The following RNF13 variants were observed in gnomAD, a reference collection of about 807,000 sequenced individuals.
RNF13 encodes the protein E3 ubiquitin-protein ligase RNF13.
Under a neutral mutation model 37.7 loss-of-function variants are expected in RNF13, and 19 were observed. The observed-to-expected ratio is 0.50, with a 90% CI of 0.35 to 0.74. The LOEUF (loss-of-function observed/expected upper bound fraction) is 0.74, where lower values mean the gene tolerates loss of function less well. RNF13 is among the 30% of genes least tolerant of loss of function. RNF13 has a pLI of 0.01. For synonymous variants in RNF13, 144 were observed against 157.8 expected, an observed-to-expected ratio of 0.91 and a Z score of 0.65; for missense variants, 375 against 453.0, an observed-to-expected ratio of 0.83 and a Z score of 1.56.
intron 1 of RNF13, among the ~76,000 whole-genome samples, chr3:149,827,122 G>A (rs1720583217): frequency 1.3e-5 from 2 of 151,928 alleles, no homozygotes; most frequent in Admixed American, 6.6e-5. Flanking sequence ...CTGTATCTGT[G>A]GATTCAACCA....
At chr3:149,870,219 GGTTCCACTTTGGTCTT>G (rs1711861688) in intron 3 of RNF13, among the ~76,000 whole-genome samples, 1 of 151,632 alleles carries the variant, frequency 6.6e-6, no homozygotes, top group Admixed American at 6.6e-5. Context: ...TGGGCAATCT[GGTTCCACTTTGGTCTT>G]ACTTTTCCAG....
chr3:149,882,964 T>C (rs2108465452), intron 4 of RNF13, among the ~76,000 whole-genome samples: 1 of 152,224 alleles, frequency 6.6e-6, no homozygotes, highest in Non-Finnish European at 1.5e-5. Context: ...CTACCAAGTG[T>C]TTTTTCTTAA....
chr3:149,945,401 G>C (rs993088038), intron 8 of RNF13, among the ~76,000 whole-genome samples: 2 of 152,216 alleles, frequency 1.3e-5, no homozygotes, highest in Admixed American at 1.3e-4. Flanking sequence ...GGCTTGTGTA[G>C]GTAAACAAAG....
intron 3 of RNF13, among the ~76,000 whole-genome samples, chr3:149,870,964 A>G (rs1362336003): frequency 6.6e-6 from 1 of 150,828 alleles, no homozygotes; most frequent in Admixed American, 6.6e-5. Context: ...GAATTTGATC[A>G]TCTTTTTATG....
chr3:149,872,714 T>A (rs1345247182), intron 4 of RNF13, among the ~76,000 whole-genome samples: 1 of 152,226 alleles, frequency 6.6e-6, no homozygotes, highest in Non-Finnish European at 1.5e-5. Context: ...GTTACTGGAC[T>A]ACCTCAGAGC....
intron 8 of RNF13, 71 bp from the exon 9 acceptor site, chr3:149,959,985 C>A: frequency 1.1e-6 from 1 of 933,204 alleles, no homozygotes; most frequent in Non-Finnish European, 1.7e-6. Context: ...CATCAAAAGG[C>A]AGTAACTGAG....
At chr3:149,946,473 A>C (rs913551118) in intron 8 of RNF13, among the ~76,000 whole-genome samples, 3 of 152,170 alleles carry the variant, frequency 2.0e-5, no homozygotes, top group Non-Finnish European at 2.9e-5. Context: ...GGAGGCTTTT[A>C]ATTACTATTT....
chr3:149,891,670 A>G (rs1714710751), intron 4 of RNF13, among the ~76,000 whole-genome samples: 1 of 152,258 alleles, frequency 6.6e-6, no homozygotes, highest in South Asian at 2.1e-4. Context: ...CAGATTGCCA[A>G]TACAATTTAG....
intron 8 of RNF13, among the ~76,000 whole-genome samples, chr3:149,930,090 T>TA (rs1468210500): frequency 1.3e-5 from 2 of 152,176 alleles, no homozygotes; most frequent in African/African-American, 4.8e-5. Context: ...CATGCCTGTC[T>TA]AATTTTTTTT....
At chr3:149,944,517 G>T (rs1217616104) in intron 8 of RNF13, among the ~76,000 whole-genome samples, 1 of 152,162 alleles carries the variant, frequency 6.6e-6, no homozygotes, top group Non-Finnish European at 1.5e-5. Context: ...ATTCTAACTG[G>T]TGTGAGATGG....
chr3:149,906,407 T>C (rs1003456962), intron 6 of RNF13, among the ~76,000 whole-genome samples: 17 of 152,196 alleles, frequency 1.1e-4, no homozygotes, highest in African/African-American at 1.4e-4. Context: ...TTTGAGGAAC[T>C]GCCAGACTTT....
At chr3:149,939,313 C>A in intron 8 of RNF13, 2 of 464,232 alleles carry the variant, frequency 4.3e-6, no homozygotes, top group East Asian at 5.3e-5. Context: ...TCATCATCAT[C>A]TTCTGCATCA....
intron 8 of RNF13, among the ~76,000 whole-genome samples, chr3:149,947,549 C>T (rs1011876861): frequency 2.2e-4 from 34 of 152,058 alleles, no homozygotes; most frequent in South Asian, 6.2e-4. Flanking sequence ...GGATTATAGG[C>T]GCCTGCCACT....
chr3:149,846,449 T>C (rs763880782), intron 2 of RNF13, among the ~76,000 whole-genome samples: 3 of 152,102 alleles, frequency 2.0e-5, no homozygotes, highest in Non-Finnish European at 4.4e-5. Context: ...ATTACAGGCG[T>C]GTGCCACCAT....
At chr3:149,867,756 AATTGGAG>A (rs2108432665) in intron 3 of RNF13, among the ~76,000 whole-genome samples, 1 of 151,852 alleles carries the variant, frequency 6.6e-6, no homozygotes, top group African/African-American at 2.4e-5. Flanking sequence ...TGTGCCTTTT[AATTGGAG>A]AATGGATTCC....
chr3:149,953,858 A>G (rs1721594318), intron 8 of RNF13, among the ~76,000 whole-genome samples: 1 of 152,248 alleles, frequency 6.6e-6, no homozygotes, highest in Non-Finnish European at 1.5e-5. Context: ...AAAAATGCTT[A>G]CGATAGTGCT....
chr3:149,917,981 G>T (rs189392365), intron 7 of RNF13, among the ~76,000 whole-genome samples: 4 of 151,926 alleles, frequency 2.6e-5, no homozygotes, highest in Non-Finnish European at 5.9e-5. Flanking sequence ...AATTTTCTGC[G>T]TTCTTTTTCT....
At chr3:149,953,826 G>A (rs1353286216) in intron 8 of RNF13, among the ~76,000 whole-genome samples, 1 of 152,200 alleles carries the variant, frequency 6.6e-6, no homozygotes, top group Non-Finnish European at 1.5e-5. Context: ...TGTGTGGTGG[G>A]AGGGATTTAA....
intron 8 of RNF13, among the ~76,000 whole-genome samples, chr3:149,951,119 G>T (rs947328870): frequency 6.6e-6 from 1 of 152,118 alleles, no homozygotes; most frequent in Non-Finnish European, 1.5e-5. Context: ...GGGTCCCCTG[G>T]AAGTGTTTTA....
Sources: allele counts gnomAD v4.1 joint callset (sites outside exome capture counted in the v4.1 genomes callset), GRCh38; gene constraint gnomAD v4.1.1; transcripts MANE v1.5; gene names NCBI Gene and HGNC (gene_info 2026-07-23, HGNC 2026-07-21).